The following ADAMTSL1 variants were observed in gnomAD, a reference collection of about 807,000 sequenced individuals.
ADAMTSL1 encodes the protein ADAMTS-like protein 1.
Under a neutral mutation model 201.8 loss-of-function variants are expected in ADAMTSL1, and 126 were observed. The ratio of observed to expected loss-of-function variants is 0.62; its 90% CI spans 0.54 to 0.72. The LOEUF is 0.72. Among genes scored for constraint, ADAMTSL1 ranks in the 30% least tolerant of loss-of-function variants. The pLI, the probability that ADAMTSL1 is intolerant of heterozygous loss-of-function variation, is 0.00. For synonymous variants in ADAMTSL1, 1,121 were observed against 903.4 expected (o/e 1.24, Z -4.32); for missense variants, 2,679 against 2,277.8 (o/e 1.18, Z -3.59).
intron 2 of ADAMTSL1, among the ~76,000 whole-genome samples, chr9:18,342,443 G>T (rs1835504279): frequency 6.6e-6 from 1 of 152,112 alleles, no homozygotes; most frequent in African/African-American, 2.4e-5. Flanking sequence ...ATGGCAAAAG[G>T]ACTAAGAGGA....
intron 3 of ADAMTSL1, among the ~76,000 whole-genome samples, chr9:18,568,756 C>T (rs1383161413): frequency 6.9e-6 from 1 of 145,158 alleles, no homozygotes; most frequent in African/African-American, 2.5e-5. Flanking sequence ...TACTACAGTA[C>T]ATGTAGTCAT....
chr9:18,587,512 G>C (rs985584895), intron 4 of ADAMTSL1, among the ~76,000 whole-genome samples: 1 of 152,020 alleles, frequency 6.6e-6, no homozygotes, highest in African/African-American at 2.4e-5. Flanking sequence ...TTCTTTTCTA[G>C]CTATTTGGAA....
At chr9:18,560,079 C>G (rs1821386075) in intron 3 of ADAMTSL1, among the ~76,000 whole-genome samples, 1 of 152,104 alleles carries the variant, frequency 6.6e-6, no homozygotes, top group African/African-American at 2.4e-5. Flanking sequence ...GCATCCTTGT[C>G]TTGTACCAGT....
intron 1 of ADAMTSL1, among the ~76,000 whole-genome samples, chr9:17,952,156 G>A (rs1256532381): frequency 1.1e-4 from 15 of 142,558 alleles, no homozygotes; most frequent in East Asian, 2.0e-4. Context: ...ATCTTGCTAC[G>A]TTGCCCAGGC....
intron 2 of ADAMTSL1, among the ~76,000 whole-genome samples, chr9:18,270,726 C>A (rs2132576418): frequency 6.6e-6 from 1 of 152,286 alleles, no homozygotes; most frequent in Non-Finnish European, 1.5e-5. Context: ...TCATGTTCCC[C>A]TTCCACAAGA....
chr9:18,522,924 A>T (rs541417274), intron 2 of ADAMTSL1, among the ~76,000 whole-genome samples: 1 of 152,180 alleles, frequency 6.6e-6, no homozygotes, highest in Non-Finnish European at 1.5e-5. Context: ...TCTTTATAGC[A>T]GTATGATTTA....
chr9:18,632,082 C>CGG (rs1826817592), intron 5 of ADAMTSL1, among the ~76,000 whole-genome samples: 2 of 152,156 alleles, frequency 1.3e-5, no homozygotes, highest in Admixed American at 1.3e-4. Flanking sequence ...TGGCCCCTGC[C>CGG]TCGCCAGCTA....
intron 1 of ADAMTSL1, among the ~76,000 whole-genome samples, chr9:17,925,022 AC>A (rs1826468181): frequency 8.9e-6 from 1 of 111,760 alleles, no homozygotes; most frequent in Non-Finnish European, 1.9e-5. Flanking sequence ...AAAACAAACA[AC>A]CCCATCAAAA....
intron 1 of ADAMTSL1, among the ~76,000 whole-genome samples, chr9:18,108,670 A>G (rs1001790413): frequency 6.6e-6 from 1 of 151,846 alleles, no homozygotes; most frequent in Non-Finnish European, 1.5e-5. Context: ...ATTTAGAACT[A>G]TTTTTTTTAC....
At chr9:18,043,317 G>C (rs1821509989) in intron 1 of ADAMTSL1, among the ~76,000 whole-genome samples, 1 of 152,096 alleles carries the variant, frequency 6.6e-6, no homozygotes, top group Non-Finnish European at 1.5e-5. Context: ...ACTTTGGTTA[G>C]TTGGGAAAAA....
At chr9:18,652,238 G>T (rs559837765) in intron 7 of ADAMTSL1, among the ~76,000 whole-genome samples, 4 of 151,980 alleles carry the variant, frequency 2.6e-5, no homozygotes, top group African/African-American at 7.2e-5. Context: ...TGGGCGTGGT[G>T]GCAGGCATCT....
intron 2 of ADAMTSL1, among the ~76,000 whole-genome samples, chr9:18,333,927 T>C (rs896019793): frequency 6.6e-6 from 1 of 152,078 alleles, no homozygotes; most frequent in African/African-American, 2.4e-5. Context: ...ACAGGGTCTG[T>C]CCAGATCTTC....
At chr9:18,326,003 A>G (rs1229853100) in intron 2 of ADAMTSL1, among the ~76,000 whole-genome samples, 2 of 152,188 alleles carry the variant, frequency 1.3e-5, no homozygotes, top group Non-Finnish European at 2.9e-5. Context: ...GGGCCTCCCA[A>G]AGTGCTGGGA....
chr9:18,574,167 C>A lies in ADAMTSL1; in HGVS notation c.375C>A (p.Ala125=), dbSNP rs1822544572. The A allele has an allele frequency of 2.5e-6, 4 of 1,614,022 alleles. No individual in the cohort carries two copies. Among genetic ancestry groups the A allele is most frequent in the Non-Finnish European group, 3.4e-6 (4 of 1,180,014 alleles). The change falls in exon 4 of 29, where the codon GCC becomes GCA. Residue 125 remains alanine (A), a synonymous_variant. Coordinates refer to ENST00000380548, the MANE Select transcript of ADAMTSL1 (RefSeq NM_001040272.6). Reference sequence around the variant, plus strand: ...ACCCATGTTCACTCAAGTGCCAAGCCAAAGGAACAACCCTGGTTGTTGAAC... The same window carrying A: ...ACCCATGTTCACTCAAGTGCCAAGCAAAAGGAACAACCCTGGTTGTTGAAC... The part of the protein sequence containing the change: ...PDNPCSLKCQ[A]KGTTLVVELA...
At chr9:18,268,325 A>G (rs1040062564) in intron 2 of ADAMTSL1, among the ~76,000 whole-genome samples, 1 of 152,174 alleles carries the variant, frequency 6.6e-6, no homozygotes, top group South Asian at 2.1e-4. Flanking sequence ...TTCCCAAACC[A>G]CTGGTTTTCC....
chr9:18,638,607 C>G (rs1056438203), intron 6 of ADAMTSL1, among the ~76,000 whole-genome samples: 1 of 152,012 alleles, frequency 6.6e-6, no homozygotes, highest in Non-Finnish European at 1.5e-5. Flanking sequence ...CTCCAGAAAT[C>G]AAGGTTTTTT....
intron 7 of ADAMTSL1, among the ~76,000 whole-genome samples, chr9:18,642,074 G>A (rs1482205984): frequency 6.6e-6 from 1 of 151,972 alleles, no homozygotes; most frequent in East Asian, 1.9e-4. Flanking sequence ...TGATCTGGTG[G>A]TATGAAGTCA....
At chr9:18,057,625 C>T (rs750272655) in intron 1 of ADAMTSL1, among the ~76,000 whole-genome samples, 4 of 152,086 alleles carry the variant, frequency 2.6e-5, no homozygotes, top group Admixed American at 6.6e-5. Context: ...GTGGGCTGAC[C>T]GTGGCCTATG....
chr9:18,375,424 A>G (rs1281416551), intron 2 of ADAMTSL1, among the ~76,000 whole-genome samples: 1 of 152,220 alleles, frequency 6.6e-6, no homozygotes, highest in African/African-American at 2.4e-5. Context: ...TGCCTTAGGT[A>G]GACAAAATAT....
Sources: allele counts gnomAD v4.1 joint callset (sites outside exome capture counted in the v4.1 genomes callset), GRCh38; gene constraint gnomAD v4.1.1; transcripts MANE v1.5; gene names NCBI Gene and HGNC (gene_info 2026-07-23, HGNC 2026-07-21).